CADM2: variants seen among roughly 807,000 people sequenced by gnomAD.
The protein encoded by CADM2 is immunoglobulin superfamily member 4D.
In CADM2, 12 loss-of-function variants were observed where a neutral mutation model predicts 49.8. The ratio of observed to expected loss-of-function variants is 0.24; its 90% CI spans 0.15 to 0.39. CADM2 has a LOEUF of 0.39. Among genes scored for constraint, CADM2 ranks in the 10% least tolerant of loss-of-function variants. The probability of loss-of-function intolerance (pLI) is 1.00; values close to 1 mark genes in which losing one functional copy is unlikely to be tolerated. For synonymous variants in CADM2, 214 were observed against 175.4 expected, an observed-to-expected ratio of 1.22 and a Z score of -1.74; for missense variants, 378 against 492.3, an observed-to-expected ratio of 0.77 and a Z score of 2.20.
At chr3:85,113,007 T>A (rs185224872) in intron 1 of CADM2, among the ~76,000 whole-genome samples, 4 of 152,122 alleles carry the variant, frequency 2.6e-5, no homozygotes, top group African/African-American at 9.6e-5. Context: ...CTGGATTTAG[T>A]TGCTTATAAA....
At chr3:85,820,852 A>C (rs1313357702) in intron 3 of CADM2, among the ~76,000 whole-genome samples, 1 of 152,124 alleles carries the variant, frequency 6.6e-6, no homozygotes, top group Non-Finnish European at 1.5e-5. Flanking sequence ...CAGTAACCAC[A>C]GGTTAAGGAG....
At chr3:85,786,044 T>C (rs184857913) in intron 2 of CADM2, among the ~76,000 whole-genome samples, 15 of 152,152 alleles carry the variant, frequency 9.9e-5, no homozygotes, top group Non-Finnish European at 2.1e-4. Flanking sequence ...TATTAGCCCT[T>C]TCCTCCCAAT....
intron 1 of CADM2, among the ~76,000 whole-genome samples, chr3:85,253,152 A>G (rs2042811770): frequency 6.6e-6 from 1 of 152,098 alleles, no homozygotes; most frequent in Admixed American, 6.6e-5. Context: ...CTTAGGTATT[A>G]CTGGCAGAAT....
chr3:85,591,737 C>G (rs2063114279), intron 1 of CADM2, among the ~76,000 whole-genome samples: 1 of 151,884 alleles, frequency 6.6e-6, no homozygotes, highest in African/African-American at 2.4e-5. Context: ...AGAATAGAGC[C>G]CCTTCAGATG....
chr3:85,099,916 A>C (rs186097152), intron 1 of CADM2, among the ~76,000 whole-genome samples: 68 of 152,302 alleles, frequency 4.5e-4, no homozygotes, highest in Admixed American at 2.4e-3. Flanking sequence ...ACATAAAACC[A>C]TATCTATCAT....
Position 86,069,023 on chromosome 3 carries a change from A to T in CADM2, c.*2240A>T, listed in dbSNP as rs757099395. ...GCAAAATTCATCCTGTTAGTACAAA[A>T]TGGAAAGGTTCTTATTACAGAAGTA... On this transcript the variant is annotated 3_prime_UTR_variant, in exon 10 of 10. Transcript: ENST00000383699. 23 of 151,966 alleles carry T rather than the reference A, an allele frequency of 1.5e-4. No homozygotes were observed. The highest frequency in any genetic ancestry group is 1.2e-4 in the Non-Finnish European group (8 of 67,852). The allele number at this position is 151,966 out of a possible 1,614,324, so 9.4% of individuals were successfully genotyped here.
intron 3 of CADM2, among the ~76,000 whole-genome samples, chr3:85,881,707 A>G (rs1397859338): frequency 1.3e-5 from 2 of 152,098 alleles, no homozygotes; most frequent in Non-Finnish European, 2.9e-5. Context: ...CCTCAGGCTA[A>G]GCTGTAGTGG....
At chr3:85,781,736 C>T (rs779238137) in intron 2 of CADM2, among the ~76,000 whole-genome samples, 8 of 152,186 alleles carry the variant, frequency 5.3e-5, no homozygotes, top group Non-Finnish European at 7.3e-5. Context: ...TATAATGCCT[C>T]TGTCTCAGGG....
intron 8 of CADM2, among the ~76,000 whole-genome samples, chr3:86,022,855 AAAATATGCATATGCAT>A (rs1559807266): frequency 6.6e-6 from 1 of 152,196 alleles, no homozygotes; most frequent in Non-Finnish European, 1.5e-5. Flanking sequence ...CTTTTCACAG[AAAATATGCATATGCAT>A]AAACGTTTGC....
chr3:85,298,793 G>C (rs2044026571), intron 1 of CADM2, among the ~76,000 whole-genome samples: 1 of 152,032 alleles, frequency 6.6e-6, no homozygotes. Flanking sequence ...TGTTGAATTA[G>C]CTCATTGTAA....
intron 1 of CADM2, among the ~76,000 whole-genome samples, chr3:85,637,632 A>AAAATAAAATAAAATAAAATAAAATAAAT (rs1553753417): frequency 6.9e-6 from 1 of 145,726 alleles, no homozygotes; most frequent in African/African-American, 2.6e-5. Flanking sequence ...AAAATAAAAT[A>AAAATAAAATAAAATAAAATAAAATAAAT]AAATAAATAA....
chr3:85,154,472 T>C (rs377234066), intron 1 of CADM2, among the ~76,000 whole-genome samples: 4 of 151,872 alleles, frequency 2.6e-5, no homozygotes, highest in East Asian at 3.9e-4. Flanking sequence ...ATTGGTGTAC[T>C]TGAAAGTGAC....
intron 1 of CADM2, among the ~76,000 whole-genome samples, chr3:85,451,685 A>C (rs2037754458): frequency 6.6e-6 from 1 of 152,152 alleles, no homozygotes; most frequent in South Asian, 2.1e-4. Context: ...TGAATGGATT[A>C]TCCATTTGGT....
chr3:85,694,605 T>C (rs2066492762), intron 1 of CADM2, among the ~76,000 whole-genome samples: 1 of 152,244 alleles, frequency 6.6e-6, no homozygotes. Context: ...TGATAGACAC[T>C]AAAATGCAAT....
chr3:85,521,399 T>C (rs2061023741), intron 1 of CADM2, among the ~76,000 whole-genome samples: 1 of 152,174 alleles, frequency 6.6e-6, no homozygotes, highest in Non-Finnish European at 1.5e-5. Context: ...TATCAGCTAC[T>C]TACGGCTATA....
At chr3:85,075,918 A>C (rs1321884802) in intron 1 of CADM2, among the ~76,000 whole-genome samples, 2 of 152,226 alleles carry the variant, frequency 1.3e-5, no homozygotes, top group Non-Finnish European at 2.9e-5. Flanking sequence ...ATGTAGTTAC[A>C]TTAAAAGGCA....
chr3:85,855,617 A>ATATATATATATATATAT (rs374763892), intron 3 of CADM2, among the ~76,000 whole-genome samples: 88 of 42,328 alleles, frequency 2.1e-3, no homozygotes, highest in Middle Eastern at 9.8e-3. Context: ...ATATATATAT[A>ATATATATATATATATAT]AAACATATAT....
At chr3:85,961,668 A>G (rs745746797) in intron 8 of CADM2, 21 bp downstream of exon 8, 21 of 1,500,896 alleles carry the variant, frequency 1.4e-5, no homozygotes, top group Admixed American at 1.8e-5. Flanking sequence ...TTTGGAAAAC[A>G]TTATATGTGA....
chr3:85,195,371 G>C (rs1290762891), intron 1 of CADM2, among the ~76,000 whole-genome samples: 1 of 152,064 alleles, frequency 6.6e-6, no homozygotes, highest in Non-Finnish European at 1.5e-5. Context: ...TCTATGAGCA[G>C]TTTTAAGGAA....
Sources: allele counts gnomAD v4.1 joint callset (sites outside exome capture counted in the v4.1 genomes callset), GRCh38; gene constraint gnomAD v4.1.1; transcripts MANE v1.5; gene names NCBI Gene and HGNC (gene_info 2026-07-23, HGNC 2026-07-21).